Variants in CRB1 observed in about 807,000 individuals in gnomAD.
CRB1 encodes protein crumbs homolog 1.
In CRB1, 83 loss-of-function variants were observed where a neutral mutation model predicts 120.0. The ratio of observed to expected loss-of-function variants is 0.69; its 90% CI spans 0.58 to 0.83. The LOEUF (loss-of-function observed/expected upper bound fraction) is 0.83, where lower values mean the gene tolerates loss of function less well. Ranked by LOEUF, CRB1 falls within the 40% of genes least tolerant of loss-of-function variation. The pLI is 0.00. For missense variants in CRB1, 1,699 were observed against 1,687.6 expected, an observed-to-expected ratio of 1.01 and a Z score of -0.12; for synonymous variants, 625 against 612.5, an observed-to-expected ratio of 1.02 and a Z score of -0.30.
chr1:197,441,871 T>G, intron 10 of CRB1: 1 of 405,152 alleles, frequency 2.5e-6, no homozygotes, highest in African/African-American at 2.0e-5. Flanking sequence ...TTGACACTGG[T>G]GTAGGCATGG....
chr1:197,260,259 T>C, the CRB1 span, among the ~76,000 whole-genome samples: 2 of 151,788 alleles, frequency 1.3e-5, no homozygotes, highest in African/African-American at 2.4e-5. Context: ...AAGGTTTAAT[T>C]AAACAAAATT....
the CRB1 span, among the ~76,000 whole-genome samples, chr1:197,228,394 A>G: frequency 6.6e-6 from 1 of 152,158 alleles, no homozygotes; most frequent in Admixed American, 6.5e-5. Context: ...ACCTTAAATC[A>G]TCTCTCTCAA....
chr1:197,451,773 C>A (rs968678904), intron 11 of CRB1, among the ~76,000 whole-genome samples: 5 of 152,160 alleles, frequency 3.3e-5, no homozygotes, highest in Non-Finnish European at 7.3e-5. Context: ...GTTTAAATTG[C>A]GCTTTTCTTC....
chr1:197,240,257 T>C, the CRB1 span, among the ~76,000 whole-genome samples: 1 of 152,182 alleles, frequency 6.6e-6, no homozygotes, highest in Non-Finnish European at 1.5e-5. Context: ...GTGGGATACA[T>C]GTGCAGAACG....
At chr1:197,404,445 A>C (rs79380567) in intron 5 of CRB1, among the ~76,000 whole-genome samples, 1 of 88,466 alleles carries the variant, frequency 1.1e-5, no homozygotes, top group Admixed American at 1.1e-4. Flanking sequence ...CCGTCTCAAA[A>C]AAAAAAAAAA....
chr1:197,402,674 G>A (rs1223312593), intron 5 of CRB1, among the ~76,000 whole-genome samples: 1 of 151,678 alleles, frequency 6.6e-6, no homozygotes, highest in African/African-American at 2.4e-5. Flanking sequence ...TTTATCTCTG[G>A]GATAGTTTCT....
intron 4 of CRB1, among the ~76,000 whole-genome samples, chr1:197,350,047 C>A (rs1164442775): frequency 6.6e-6 from 1 of 151,074 alleles, no homozygotes; most frequent in Non-Finnish European, 1.5e-5. Flanking sequence ...TTGCAGTGAG[C>A]CGAGATTGCG....
chr1:197,226,530 G>A, the CRB1 span, among the ~76,000 whole-genome samples: 8,840 of 152,124 alleles, frequency 0.058, 868 homozygotes, highest in African/African-American at 0.2. Flanking sequence ...CCCATCTGTT[G>A]AAATCCTAAC....
At chr1:197,231,535 C>A in the CRB1 span, among the ~76,000 whole-genome samples, 1,069 of 152,100 alleles carry the variant, frequency 7.0e-3, 16 homozygotes, top group African/African-American at 0.022. Flanking sequence ...CTGGCAAGGA[C>A]CCTAGGAAAC....
At chr1:197,411,256 C>T (rs1317352956) in intron 5 of CRB1, among the ~76,000 whole-genome samples, 2 of 152,058 alleles carry the variant, frequency 1.3e-5, no homozygotes, top group Admixed American at 6.5e-5. Flanking sequence ...TTTCCTTTGC[C>T]CCAGATACTA....
At chr1:197,398,114 A>C (rs1272831614) in intron 5 of CRB1, among the ~76,000 whole-genome samples, 1 of 152,172 alleles carries the variant, frequency 6.6e-6, no homozygotes, top group Non-Finnish European at 1.5e-5. Flanking sequence ...TTCTGATTGC[A>C]AAATTCATCC....
chr1:197,442,363 T>G, intron 11 of CRB1, 71 bp downstream of exon 11: 2 of 1,611,528 alleles, frequency 1.2e-6, no homozygotes, highest in Non-Finnish European at 1.7e-6. Flanking sequence ...TCTTACCTCA[T>G]TTTGCGTATG....
chr1:197,296,619 C>T (rs1197348744), intron 1 of CRB1, among the ~76,000 whole-genome samples: 2 of 152,056 alleles, frequency 1.3e-5, no homozygotes, highest in Admixed American at 6.6e-5. Context: ...CTTTTAGGAA[C>T]TGATCTGTCT....
At chr1:197,425,795 T>A in intron 6 of CRB1, among the ~76,000 whole-genome samples, 1 of 152,110 alleles carries the variant, frequency 6.6e-6, no homozygotes. Context: ...ACTTACTTCT[T>A]GGACCTCTCA....
chr1:197,438,683 ACATTAGAG>A lies in CRB1; in HGVS notation c.3878+10_3878+17del. On this transcript the variant is annotated intron_variant, in intron 10 of 11. Coordinates refer to ENST00000367400, the MANE Select transcript of CRB1 (RefSeq NM_201253.3). ...AGGTTTTACTGGAGAATGGTGAGTC[ACATTAGAG>A]CCTTCTGGAAGAGAATTCTGAGCTA... The A allele has an allele frequency of 1.9e-6, 3 of 1,611,548 alleles. No homozygotes were observed. The highest frequency in any genetic ancestry group is 2.5e-6 in the Non-Finnish European group (3 of 1,178,078).
intron 5 of CRB1, among the ~76,000 whole-genome samples, chr1:197,365,893 C>T (rs10922208): frequency 0.043 from 6,611 of 152,082 alleles, 489 homozygotes; most frequent in African/African-American, 0.15. Flanking sequence ...CCTCTTCCAC[C>T]TTTCAGAGTT....
chr1:197,458,099 C>A lies in CRB1; in HGVS notation c.4005+15807C>A, dbSNP rs545335740. ...GGGATCACCGAACGAGGGTTATAGA[C>A]AAAAGGGAAGAAAGGAAACTTAAGG... On this transcript the variant is annotated intron_variant, in intron 11 of 11. Transcript: ENST00000367400. Among the ~76,000 whole-genome samples, 7 of 152,026 alleles carry A rather than the reference C, an allele frequency of 4.6e-5. No individual in the cohort carries two copies. In the East Asian group the frequency reaches 1.4e-3, roughly 29 times the overall value.
intron 1 of CRB1, among the ~76,000 whole-genome samples, chr1:197,321,485 C>T (rs2125291169): frequency 1.3e-5 from 2 of 152,208 alleles, no homozygotes; most frequent in South Asian, 4.1e-4. Flanking sequence ...GCATAGTGAG[C>T]CATAGAGTGA....
intron 5 of CRB1, among the ~76,000 whole-genome samples, chr1:197,416,664 CT>C (rs1664018760): frequency 6.6e-6 from 1 of 151,864 alleles, no homozygotes; most frequent in Non-Finnish European, 1.5e-5. Flanking sequence ...AGATAACAGA[CT>C]TTAGGTTTTT....
Sources: allele counts gnomAD v4.1 joint callset (sites outside exome capture counted in the v4.1 genomes callset), GRCh38; gene constraint gnomAD v4.1.1; transcripts MANE v1.5; gene names NCBI Gene and HGNC (gene_info 2026-07-23, HGNC 2026-07-21).